METTL24: variants seen among roughly 807,000 people sequenced by gnomAD.
The protein encoded by METTL24 is methyltransferase like 24.
A neutral mutation model predicts 32.7 loss-of-function variants in METTL24; 29 were observed. The observed-to-expected ratio is 0.89, with a 90% CI of 0.66 to 1.21. The LOEUF (loss-of-function observed/expected upper bound fraction) is 1.21. METTL24 is among the 50% of genes most tolerant of loss of function. The pLI is 0.00. For synonymous variants in METTL24, 163 were observed against 179.5 expected, an observed-to-expected ratio of 0.91 and a Z score of 0.73; for missense variants, 439 against 468.1, an observed-to-expected ratio of 0.94 and a Z score of 0.57.
At chr6:110,278,816 G>A (rs111316816) in intron 4 of METTL24, among the ~76,000 whole-genome samples, 1,949 of 152,258 alleles carry the variant, frequency 0.013, 54 homozygotes, top group African/African-American at 0.044. Flanking sequence ...GAGCCCAGGA[G>A]TTCATGACCA....
intron 3 of METTL24, 63 bp from the exon 4 acceptor site, chr6:110,299,213 C>A: frequency 4.1e-6 from 6 of 1,462,416 alleles, no homozygotes; most frequent in Non-Finnish European, 4.7e-6. Flanking sequence ...GTTGGACTAA[C>A]AAGATGACAG....
intron 4 of METTL24, among the ~76,000 whole-genome samples, chr6:110,286,596 T>G (rs997106285): frequency 5.3e-5 from 8 of 152,186 alleles, no homozygotes; most frequent in Non-Finnish European, 1.0e-4. Flanking sequence ...CATACAACCT[T>G]GCCATTCATG....
At chr6:110,274,274 G>A (rs1463628837) in intron 4 of METTL24, among the ~76,000 whole-genome samples, 1 of 152,154 alleles carries the variant, frequency 6.6e-6, no homozygotes, top group Admixed American at 6.5e-5. Flanking sequence ...TGTATTTTTA[G>A]TAGAGACAGG....
chr6:110,257,103 T>C (rs1200676268), intron 4 of METTL24, among the ~76,000 whole-genome samples: 1 of 152,212 alleles, frequency 6.6e-6, no homozygotes, highest in African/African-American at 2.4e-5. Flanking sequence ...TAACATAAAT[T>C]CTGACAGGAC....
intron 4 of METTL24, among the ~76,000 whole-genome samples, chr6:110,277,322 C>T (rs989732872): frequency 2.5e-4 from 38 of 152,050 alleles, no homozygotes; most frequent in Non-Finnish European, 5.0e-4. Flanking sequence ...ACAGGACTAA[C>T]GTTACAGGGA....
intron 1 of METTL24, among the ~76,000 whole-genome samples, chr6:110,346,807 CA>C: frequency 6.6e-6 from 1 of 152,130 alleles, no homozygotes. Context: ...ACATGGCCAT[CA>C]ATCCTTTTTT....
At chr6:110,320,096 A>G (rs1395231679) in intron 2 of METTL24, among the ~76,000 whole-genome samples, 1 of 152,234 alleles carries the variant, frequency 6.6e-6, no homozygotes. Context: ...TGGATTGAGG[A>G]ATGAATACAT....
chr6:110,307,648 A>G (rs987996554), intron 3 of METTL24, among the ~76,000 whole-genome samples: 7 of 152,204 alleles, frequency 4.6e-5, no homozygotes, highest in Admixed American at 4.6e-4. Flanking sequence ...ATTTACAGCT[A>G]CATGGAAGGC....
At chr6:110,315,506 A>T in intron 2 of METTL24, 25 bp from the exon 3 acceptor site, 1 of 1,611,592 alleles carries the variant, frequency 6.2e-7, no homozygotes, top group Non-Finnish European at 8.5e-7. Context: ...AATCAATGTG[A>T]ATAATTTGAA....
intron 3 of METTL24, among the ~76,000 whole-genome samples, chr6:110,303,104 T>C (rs1245443561): frequency 1.3e-5 from 2 of 152,068 alleles, no homozygotes; most frequent in African/African-American, 4.8e-5. Flanking sequence ...TGAGGGACCC[T>C]GCCATGAGGG....
intron 4 of METTL24, among the ~76,000 whole-genome samples, chr6:110,269,456 C>G (rs1431944835): frequency 6.6e-6 from 1 of 152,144 alleles, no homozygotes; most frequent in Non-Finnish European, 1.5e-5. Context: ...CTGCAAACAG[C>G]CTAAGCTCCT....
intron 1 of METTL24, among the ~76,000 whole-genome samples, chr6:110,334,682 C>T (rs986400852): frequency 3.3e-5 from 5 of 152,212 alleles, no homozygotes; most frequent in Non-Finnish European, 7.3e-5. Context: ...GCTATCACAT[C>T]CCACTGAATA....
At chr6:110,335,237 C>A (rs538039820) in intron 1 of METTL24, among the ~76,000 whole-genome samples, 1 of 152,278 alleles carries the variant, frequency 6.6e-6, no homozygotes, top group East Asian at 1.9e-4. Context: ...ACTCAGGATT[C>A]TTTGGTGAAT....
chr6:110,302,285 AAG>A (rs1771529536), intron 3 of METTL24, among the ~76,000 whole-genome samples: 1 of 151,986 alleles, frequency 6.6e-6, no homozygotes, highest in African/African-American at 2.4e-5. Context: ...CAAAAAAAAA[AAG>A]AGAACATTAT....
chr6:110,290,079 C>T (rs903340730), intron 4 of METTL24, among the ~76,000 whole-genome samples: 6 of 152,004 alleles, frequency 3.9e-5, no homozygotes, highest in African/African-American at 1.2e-4. Context: ...CCACACCTGG[C>T]TAATTTTTAT....
At chr6:110,330,806 A>G (rs906980617) in intron 1 of METTL24, among the ~76,000 whole-genome samples, 27 of 152,236 alleles carry the variant, frequency 1.8e-4, no homozygotes, top group Admixed American at 1.8e-3. Context: ...AAACAAATAT[A>G]TCGACATTAT....
intron 4 of METTL24, among the ~76,000 whole-genome samples, chr6:110,256,703 G>T (rs1245634244): frequency 2.6e-5 from 4 of 152,166 alleles, no homozygotes; most frequent in African/African-American, 9.7e-5. Context: ...GTCAAGGGTT[G>T]GGAGTTAGGA....
In METTL24 at chr6:110,244,045, C is replaced by A. The variant is rs1490238302; in HGVS notation, c.*1901G>T. 3.3e-5 allele frequency among the ~76,000 whole-genome samples: 5 copies of A among 152,220 alleles called. No individual in the cohort carries two copies. Among genetic ancestry groups the A allele is most frequent in the Admixed American group, 6.5e-5 (1 of 15,288 alleles). ...GCATTTGAACCGCTGAGAACCTAAA[C>A]TTTCCACTTAACTTTTAATGTAGAA... On this transcript the variant is annotated 3_prime_UTR_variant, in exon 5 of 5. Transcript: ENST00000338882.
chr6:110,277,674 G>A (rs1307570230), intron 4 of METTL24, among the ~76,000 whole-genome samples: 2 of 152,032 alleles, frequency 1.3e-5, no homozygotes, highest in Non-Finnish European at 1.5e-5. Flanking sequence ...AATATGTCTG[G>A]CTGTCCCAAC....
Sources: allele counts gnomAD v4.1 joint callset (sites outside exome capture counted in the v4.1 genomes callset), GRCh38; gene constraint gnomAD v4.1.1; transcripts MANE v1.5; gene names NCBI Gene and HGNC (gene_info 2026-07-23, HGNC 2026-07-21).